The following OR6T1 variants were observed in gnomAD, a reference collection of about 807,000 sequenced individuals.
OR6T1 encodes the protein olfactory receptor 6T1.
For synonymous variants in OR6T1, 179 were observed against 159.1 expected (o/e 1.13, Z -0.94); for missense variants, 389 against 390.5 (o/e 1.00, Z 0.03).
In OR6T1 at chr11:123,943,348, G is replaced by T. The variant is rs1248703936; in HGVS notation, c.491C>A (p.Ala164Asp). 1 of 1,614,132 alleles carries T rather than the reference G, an allele frequency of 6.2e-7. No individual in the cohort carries two copies. Among genetic ancestry groups the T allele is most frequent in the African/African-American group, 1.3e-5 (1 of 75,052 alleles). ...ATTGGGGCCACAGAAAGGCAGGCTGGCCATGAGGACAGTGGGGCAAAGGAC... is the reference window on the plus strand; with the variant it reads ...ATTGGGGCCACAGAAAGGCAGGCTGTCCATGAGGACAGTGGGGCAAAGGAC... Reference protein sequence around the residue: ...LWVLCPTVLMASLPFCGPNGI... With the variant: ...LWVLCPTVLMDSLPFCGPNGI... Residue 164 changes from alanine to aspartate, a missense_variant, in exon 1 of 1, where the codon GCC (alanine) becomes GAC (aspartate). Ala to Asp is a moderately radical substitution (Grantham distance 126, BLOSUM62 -2). Coordinates refer to ENST00000321252, the MANE Select transcript of OR6T1 (RefSeq NM_001005187.1).
the OR6T1 span, chr11:123,942,985 A>T: frequency 6.2e-7 from 1 of 1,614,156 alleles, no homozygotes; most frequent in Admixed American, 1.7e-5. Flanking sequence ...GAATGGGTTC[A>T]AGAGGGGTGT....
chr11:123,943,779 G>T lies in OR6T1; in HGVS notation c.60C>A (p.Ser20Arg). 1 of 1,613,984 alleles carries T rather than the reference G, an allele frequency of 6.2e-7. No homozygotes were observed. The highest frequency in any genetic ancestry group is 1.6e-4 in the Middle Eastern group (1 of 6,062). ...TSFVLLGFPS[S>R]HLIQFLVFLG... ...GGAACACCAGGAACTGTATGAGGTGGCTACTGGGGAAACCCAGAAGGACAA... is the reference window on the plus strand; with the variant it reads ...GGAACACCAGGAACTGTATGAGGTGTCTACTGGGGAAACCCAGAAGGACAA... Residue 20 changes from serine (S) to arginine (R), a missense_variant, in exon 1 of 1, where the codon AGC becomes AGA. Coordinates refer to ENST00000321252, the MANE Select transcript of OR6T1 (RefSeq NM_001005187.1).
rs145832379 is a variant in OR6T1, at chr11:123,943,438, G to T, written c.401C>A (p.Thr134Asn). 9,855 of 1,614,154 alleles carry T rather than the reference G, an allele frequency of 6.1e-3. 43 individuals carry two copies. Among genetic ancestry groups the T allele is most frequent in the Non-Finnish European group, 7.4e-3 (8,707 of 1,180,012 alleles). Residue 134 changes from threonine to asparagine, a missense_variant, in exon 1 of 1, where the codon ACC (threonine) becomes AAC (asparagine). Coordinates refer to ENST00000321252, the MANE Select transcript of OR6T1 (RefSeq NM_001005187.1). Reference sequence around the variant, plus strand: ...GGAACAGACATGGCCATTCATCAGGGTCTCATAGCGGAGTGGTCGGCAGAT... The same window carrying T: ...GGAACAGACATGGCCATTCATCAGGTTCTCATAGCGGAGTGGTCGGCAGAT... ...LAICRPLRYE[T>N]LMNGHVCSQL...
rs961614889 is a variant in OR6T1, at chr11:123,943,324, T to C, written c.515A>G (p.Asn172Ser). The C allele has an allele frequency of 6.8e-6, 11 of 1,613,932 alleles. No individual in the cohort carries two copies. In the East Asian group the frequency reaches 1.1e-4, roughly 16 times the overall value. ...GTCACGAAAGAAGTGGTCAATACCATTGGGGCCACAGAAAGGCAGGCTGGC... is the reference window on the plus strand; with the variant it reads ...GTCACGAAAGAAGTGGTCAATACCACTGGGGCCACAGAAAGGCAGGCTGGC... The part of the protein sequence containing the change: ...LMASLPFCGP[N>S]GIDHFFRDSW... Residue 172 changes from asparagine to serine, a missense_variant, in exon 1 of 1, where the codon AAT becomes AGT. Transcript: ENST00000321252.
Position 123,942,928 on chromosome 11 carries a change from G to A in OR6T1, c.911C>T (p.Ala304Val). ...AGCAGTGAGCCTGGGCCACCCCAAG[G>A]CTTCTCTCAGTGCTTGCTGCACCTT... ...NDKVQQALREALGWPRLTAVM... is the reference protein window; with the variant it reads ...NDKVQQALREVLGWPRLTAVM... The change falls in exon 1 of 1, where the codon GCC (alanine) becomes GTC (valine). Residue 304 changes from alanine (A) to valine (V), a missense_variant. Ala to Val is a moderately conservative substitution (Grantham distance 64, BLOSUM62 0). Transcript: ENST00000321252. The A allele has an allele frequency of 6.2e-7, 1 of 1,614,122 alleles. No individual in the cohort carries two copies. The highest frequency in any genetic ancestry group is 8.5e-7 in the Non-Finnish European group (1 of 1,180,004).
At chr11:123,943,051 G>C in the OR6T1 span, 164 of 1,614,162 alleles carry the variant, frequency 1.0e-4, no homozygotes, top group South Asian at 1.0e-3. Flanking sequence ...CTGAGCCTCT[G>C]ACATACGAAT....
chr11:123,943,082 C>T lies in OR6T1; in HGVS notation c.757G>A (p.Gly253Ser), dbSNP rs1565576706. 3 of 1,614,034 alleles carry T rather than the reference C, an allele frequency of 1.9e-6. No individual in the cohort carries two copies. The highest frequency in any genetic ancestry group is 2.5e-6 in the Non-Finnish European group (3 of 1,180,016). The change falls in exon 1 of 1, where the codon GGC becomes AGC. Residue 253 changes from glycine (G) to serine (S), a missense_variant. Gly to Ser is a moderately conservative substitution (Grantham distance 56). Coordinates refer to ENST00000321252, the MANE Select transcript of OR6T1 (RefSeq NM_001005187.1). The stretch of plus-strand genomic sequence containing the variant: ...CGAATGTAGAGAAAGATGGAACTGC[C>T]ATAGATGATGACCACCACTGTAAGA... ...SHLTVVVIIY[G>S]SSIFLYIRMS... is the part of the protein sequence containing the mutation.
In OR6T1 at chr11:123,943,308, G is replaced by T; in HGVS notation, c.531C>A (p.Phe177Leu). 6.2e-7 allele frequency: 1 copy of T among 1,614,184 alleles called. No individual in the cohort carries two copies. Among genetic ancestry groups the T allele is most frequent in the South Asian group, 1.1e-5 (1 of 91,084 alleles). ...TGAGCAAGGGCCAACTGTCACGAAA[G>T]AAGTGGTCAATACCATTGGGGCCAC... Reference protein sequence around the residue: ...PFCGPNGIDHFFRDSWPLLRL... With the variant: ...PFCGPNGIDHLFRDSWPLLRL... The change falls in exon 1 of 1, where the codon TTC becomes TTA. Residue 177 changes from phenylalanine (F) to leucine (L), a missense_variant. Physicochemically the swap from Phe to Leu is conservative, Grantham distance 22. Coordinates refer to ENST00000321252, the MANE Select transcript of OR6T1 (RefSeq NM_001005187.1).
chr11:123,943,071 G>T lies in OR6T1; in HGVS notation c.768C>A (p.Ile256=), dbSNP rs775488245. The T allele has an allele frequency of 2.5e-6, 4 of 1,614,196 alleles. No homozygotes were observed. Among genetic ancestry groups the T allele is most frequent in the Middle Eastern group, 1.6e-4 (1 of 6,062 alleles). ...TVVVIIYGSS[I]FLYIRMSEAQ... ...CCTCTGACATACGAATGTAGAGAAA[G>T]ATGGAACTGCCATAGATGATGACCA... The change falls in exon 1 of 1, where the codon ATC becomes ATA. Residue 256 remains isoleucine (I), a synonymous_variant. Coordinates refer to ENST00000321252, the MANE Select transcript of OR6T1 (RefSeq NM_001005187.1).
In OR6T1 at chr11:123,943,308, G is replaced by C. The variant is rs1307454280; in HGVS notation, c.531C>G (p.Phe177Leu). Reference protein sequence around the residue: ...PFCGPNGIDHFFRDSWPLLRL... With the variant: ...PFCGPNGIDHLFRDSWPLLRL... ...TGAGCAAGGGCCAACTGTCACGAAAGAAGTGGTCAATACCATTGGGGCCAC... is the reference window on the plus strand; with the variant it reads ...TGAGCAAGGGCCAACTGTCACGAAACAAGTGGTCAATACCATTGGGGCCAC... Residue 177 changes from phenylalanine to leucine, a missense_variant, in exon 1 of 1, where the codon TTC (phenylalanine) becomes TTG (leucine). Coordinates refer to ENST00000321252, the MANE Select transcript of OR6T1 (RefSeq NM_001005187.1). The C allele has an allele frequency of 2.5e-6, 4 of 1,614,066 alleles. No homozygotes were observed. In the African/African-American group the frequency reaches 5.3e-5, roughly 22 times the overall value.
the OR6T1 span, chr11:123,943,219 A>T: frequency 6.2e-7 from 1 of 1,614,214 alleles, no homozygotes; most frequent in Non-Finnish European, 8.5e-7. Flanking sequence ...TGAGCCCAGT[A>T]ACACCAACGT....
the OR6T1 span, chr11:123,943,444 TA>T: frequency 6.2e-7 from 1 of 1,614,134 alleles, no homozygotes. Flanking sequence ...CAGGGTCTCA[TA>T]GCGGAGTGGT....
In OR6T1 at chr11:123,943,188, G is replaced by A. The variant is rs748183322; in HGVS notation, c.651C>T (p.Ser217=). 1.9e-6 allele frequency: 3 copies of A among 1,614,208 alleles called. No individual in the cohort carries two copies. Among genetic ancestry groups the A allele is most frequent in the Admixed American group, 3.3e-5 (2 of 60,024 alleles). Residue 217 remains serine, a synonymous_variant, in exon 1 of 1, where the codon TCC becomes TCT. Transcript: ENST00000321252. The part of the protein sequence containing the change: ...LLGSLALTSV[S]YACILATVLR... ...GAACAGTGGCAAGAATGCAGGCATA[G>A]GAAACTGAGGTCAGAGCCAGTGAGC... is the stretch of plus-strand genomic sequence containing the variant.
chr11:123,942,878 G>T lies in OR6T1; in HGVS notation c.961C>A (p.Gln321Lys). ...TAVMKLRVTS[Q>K]RK ...CCCATTTAATAAGATCATTTCCTTT[G>T]ACTTGTGACCCTCAGTTTCATCACA... Residue 321 changes from glutamine to lysine, a missense_variant, in exon 1 of 1, where the codon CAA becomes AAA. Transcript: ENST00000321252. 2 of 1,612,716 alleles carry T rather than the reference G, an allele frequency of 1.2e-6. No homozygotes were observed. The highest frequency in any genetic ancestry group is 2.2e-5 in the South Asian group (2 of 90,794).
the OR6T1 span, chr11:123,943,428 AT>A: frequency 6.2e-7 from 1 of 1,614,184 alleles, no homozygotes; most frequent in Non-Finnish European, 8.5e-7. Context: ...AGACATGGCC[AT>A]TCATCAGGGT....
Position 123,943,135 on chromosome 11 carries a change from C to A in OR6T1, c.704G>T (p.Arg235Met). The part of the protein sequence containing the change: ...VLRAPTAAER[R>M]KAFSTCASHL... ...CGAGGCGCAAGTGGAAAACGCTTTC[C>A]TTCGCTCAGCAGCTGTAGGGGCCCT... is the stretch of plus-strand genomic sequence containing the variant. Residue 235 changes from arginine to methionine, a missense_variant, in exon 1 of 1, where the codon AGG (arginine) becomes ATG (methionine). Arg to Met is a moderately conservative substitution (Grantham distance 91). Coordinates refer to ENST00000321252, the MANE Select transcript of OR6T1 (RefSeq NM_001005187.1). The A allele has an allele frequency of 1.2e-6, 2 of 1,614,216 alleles. No individual in the cohort carries two copies. Among genetic ancestry groups the A allele is most frequent in the Non-Finnish European group, 1.7e-6 (2 of 1,180,044 alleles).
the OR6T1 span, chr11:123,943,695 GA>G: frequency 6.2e-7 from 1 of 1,614,184 alleles, no homozygotes; most frequent in Non-Finnish European, 8.5e-7. Context: ...CTATCCAGCT[GA>G]GCACAATAAT....
chr11:123,943,445 A>G lies in OR6T1; in HGVS notation c.394T>C (p.Tyr132His). ...ACATGGCCATTCATCAGGGTCTCAT[A>G]GCGGAGTGGTCGGCAGATTGCCAGG... The part of the protein sequence containing the change: ...RYLAICRPLR[Y>H]ETLMNGHVCS... The change falls in exon 1 of 1, where the codon TAT (tyrosine) becomes CAT (histidine). Residue 132 changes from tyrosine (Y) to histidine (H), a missense_variant. Tyr to His is a moderately conservative substitution (Grantham distance 83). Coordinates refer to ENST00000321252, the MANE Select transcript of OR6T1 (RefSeq NM_001005187.1). 2.5e-6 allele frequency: 4 copies of G among 1,614,166 alleles called. No homozygotes were observed. The highest frequency in any genetic ancestry group is 3.4e-6 in the Non-Finnish European group (4 of 1,180,024).
At position 123,942,934 on chromosome 11, in the gene OR6T1, C is replaced by G; in HGVS notation, c.905G>C (p.Arg302Thr). The change falls in exon 1 of 1, where the codon AGA becomes ACA. Residue 302 changes from arginine (R) to threonine (T), a missense_variant. Physicochemically the swap from Arg to Thr is moderately conservative, Grantham distance 71. Transcript: ENST00000321252. ...LRNDKVQQAL[R>T]EALGWPRLTA... ...GAGCCTGGGCCACCCCAAGGCTTCT[C>G]TCAGTGCTTGCTGCACCTTGTCATT... 1.2e-6 allele frequency: 2 copies of G among 1,614,166 alleles called. No homozygotes were observed. Among genetic ancestry groups the G allele is most frequent in the Non-Finnish European group, 1.7e-6 (2 of 1,180,008 alleles).
Sources: gnomAD v4.1 joint callset for allele counts on GRCh38, gnomAD v4.1.1 for gene constraint, MANE v1.5 for transcripts, NCBI Gene and HGNC (gene_info 2026-07-23, HGNC 2026-07-21) for gene names.